The following MGAT4D variants were observed in gnomAD, a reference collection of about 807,000 sequenced individuals.
The protein encoded by MGAT4D is MGAT4 family member D, also known as alpha-1,3-mannosyl-glycoprotein 4-beta-N-acetylglucosaminyltransferase-like protein MGAT4D.
Under a neutral mutation model 15.9 loss-of-function variants are expected in MGAT4D, and 34 were observed. That is an observed-to-expected ratio of 2.14 (90% CI 1.62 to 2.84). MGAT4D has a LOEUF of 2.84. MGAT4D is among the 30% of genes most tolerant of loss of function. The pLI, the probability that MGAT4D is intolerant of heterozygous loss-of-function variation, is 0.00. For synonymous variants in MGAT4D, 112 were observed against 48.2 expected, an observed-to-expected ratio of 2.33 and a Z score of -5.49; for missense variants, 327 against 140.2, an observed-to-expected ratio of 2.33 and a Z score of -6.73.
intron 2 of MGAT4D, among the ~76,000 whole-genome samples, chr4:140,480,779 AC>A (rs1214798939): frequency 8.1e-6 from 1 of 123,408 alleles, no homozygotes; most frequent in Admixed American, 8.4e-5. Context: ...ACACACACAC[AC>A]ACACACGCAG....
chr4:140,475,443 A>G (rs1159234574), intron 3 of MGAT4D, among the ~76,000 whole-genome samples: 1 of 152,100 alleles, frequency 6.6e-6, no homozygotes, highest in Non-Finnish European at 1.5e-5. Context: ...TAGCTGGAGC[A>G]CTAGGGCTCC....
In MGAT4D at chr4:140,474,903, A is replaced by G. The variant is rs1732213970; in HGVS notation, c.435T>C (p.Tyr145=). ...LGISTVNRGN[Y]SYLKQTLTSV... ...AGGTCAGTGTCTGTTTCAGGTAACTATAATTTCCTCTGTTAACAGTGGAAA... is the reference window on the plus strand; with the variant it reads ...AGGTCAGTGTCTGTTTCAGGTAACTGTAATTTCCTCTGTTAACAGTGGAAA... The change falls in exon 4 of 11, where the codon TAT becomes TAC. Residue 145 remains tyrosine (Y), a synonymous_variant. Transcript: ENST00000511113. 5.7e-6 allele frequency: 4 copies of G among 699,306 alleles called. No individual in the cohort carries two copies. The highest frequency in any genetic ancestry group is 2.7e-5 in the East Asian group (1 of 37,056). The allele number at this position is 699,306 out of a possible 1,614,324, so 43.3% of individuals were successfully genotyped here. A position where few individuals can be genotyped will look rare whatever the true frequency, so the allele number is the denominator to read the frequency against.
At chr4:140,488,311 T>C (rs1169168778) in intron 1 of MGAT4D, among the ~76,000 whole-genome samples, 1 of 152,220 alleles carries the variant, frequency 6.6e-6, no homozygotes, top group East Asian at 1.9e-4. Flanking sequence ...ATTAAATACT[T>C]GCCATGTGCT....
At chr4:140,497,745 G>A (rs920814332) in intron 1 of MGAT4D, among the ~76,000 whole-genome samples, 10 of 152,230 alleles carry the variant, frequency 6.6e-5, no homozygotes, top group Non-Finnish European at 8.8e-5. Context: ...GATGCTGGCT[G>A]TGTAAGAGCA....
chr4:140,481,794 G>A (rs184984940), intron 2 of MGAT4D, among the ~76,000 whole-genome samples: 18 of 152,358 alleles, frequency 1.2e-4, no homozygotes, highest in Admixed American at 1.1e-3. Flanking sequence ...CAGGGATTAA[G>A]AGTAGGGGGA....
intron 9 of MGAT4D, among the ~76,000 whole-genome samples, chr4:140,452,738 C>T (rs1445794496): frequency 2.0e-5 from 3 of 152,104 alleles, no homozygotes; most frequent in African/African-American, 4.8e-5. Context: ...GTACCTTTTG[C>T]AGCACAAAAA....
At chr4:140,479,395 T>G (rs1431574950) in intron 3 of MGAT4D, 95 bp downstream of exon 3, 1 of 372,868 alleles carries the variant, frequency 2.7e-6, no homozygotes, top group East Asian at 3.8e-5. Context: ...TGCATATCAA[T>G]CTAAGATAAT....
intron 7 of MGAT4D, among the ~76,000 whole-genome samples, chr4:140,460,565 G>A (rs1231555052): frequency 3.9e-5 from 6 of 152,200 alleles, no homozygotes; most frequent in South Asian, 4.1e-4. Context: ...GCCAGGAGCC[G>A]TGGCTCACGC....
Position 140,482,487 on chromosome 4 carries a change from T to C in MGAT4D, c.95-2A>G, listed in dbSNP as rs1277458601. 2 of 628,158 alleles carry C rather than the reference T, an allele frequency of 3.2e-6. No individual in the cohort carries two copies. The highest frequency in any genetic ancestry group is 3.7e-5 in the African/African-American group (2 of 53,340). The allele number at this position is 628,158 out of a possible 1,614,324, so 38.9% of individuals were successfully genotyped here. On this transcript the variant is annotated splice_acceptor_variant, in intron 1 of 10. Coordinates refer to ENST00000511113, the MANE Select transcript of MGAT4D (RefSeq NM_001277353.2). LOFTEE classifies it high-confidence loss of function. ...TTCTACAGTTAATTAATTGATTATC[T>C]GCAATGAAAACATATGTATATATTT...
chr4:140,452,005 A>C (rs1047725029), intron 9 of MGAT4D, among the ~76,000 whole-genome samples: 55 of 151,948 alleles, frequency 3.6e-4, no homozygotes, highest in African/African-American at 1.3e-3. Flanking sequence ...AAAAAAAAAA[A>C]AAAAAAAGAA....
At chr4:140,461,794 C>A (rs1016609884) in intron 7 of MGAT4D, 135 bp downstream of exon 7, 75 of 431,696 alleles carry the variant, frequency 1.7e-4, no homozygotes, top group Middle Eastern at 5.1e-4. Context: ...TGGAGGAATA[C>A]AATGAGGAAG....
At chr4:140,468,621 G>C (rs1177956583) in intron 5 of MGAT4D, among the ~76,000 whole-genome samples, 3 of 152,134 alleles carry the variant, frequency 2.0e-5, no homozygotes, top group African/African-American at 7.2e-5. Context: ...AACTGAGAAG[G>C]CATCCTTGAG....
chr4:140,482,459 G>T lies in MGAT4D; in HGVS notation c.121C>A (p.His41Asn). ...ATATTTTCTTTAAACTCCAAAATAT[G>T]GTTTCTACAGTTAATTAATTGATTA... is the stretch of plus-strand genomic sequence containing the variant. The part of the protein sequence containing the change: ...TNNQLINCRN[H>N]ILEFKENMLH... Residue 41 changes from histidine to asparagine, a missense_variant, in exon 2 of 11, where the codon CAT becomes AAT. His to Asn is a moderately conservative substitution (Grantham distance 68). Coordinates refer to ENST00000511113, the MANE Select transcript of MGAT4D (RefSeq NM_001277353.2). The T allele has an allele frequency of 1.6e-6, 1 of 630,720 alleles. No individual in the cohort carries two copies. Among genetic ancestry groups the T allele is most frequent in the Non-Finnish European group, 2.8e-6 (1 of 359,362 alleles). The allele number at this position is 630,720 out of a possible 1,614,324, so 39.1% of individuals were successfully genotyped here.
chr4:140,471,917 A>T, intron 4 of MGAT4D, 96 bp from the exon 5 acceptor site: 1 of 285,886 alleles, frequency 3.5e-6, no homozygotes, highest in Non-Finnish European at 6.4e-6. Flanking sequence ...TTTGTGTGTG[A>T]AATGCTATTG....
At chr4:140,443,656 G>A (rs919231424) in intron 10 of MGAT4D, among the ~76,000 whole-genome samples, 5 of 152,012 alleles carry the variant, frequency 3.3e-5, no homozygotes, top group African/African-American at 9.7e-5. Flanking sequence ...ATACTCTTAC[G>A]TTGTTAAAAT....
chr4:140,481,616 G>A (rs368910648), intron 2 of MGAT4D, among the ~76,000 whole-genome samples: 10 of 152,230 alleles, frequency 6.6e-5, no homozygotes, highest in East Asian at 5.8e-4. Context: ...TCGATACAAC[G>A]AAATGCTACT....
chr4:140,498,090 G>A (rs987498085), intron 1 of MGAT4D, 39 bp downstream of exon 1: 1 of 694,110 alleles, frequency 1.4e-6, no homozygotes, highest in Non-Finnish European at 2.6e-6. Context: ...CGAAGCCCCC[G>A]CGGCGGGAAA....
At chr4:140,469,482 T>TG (rs1441014791) in intron 5 of MGAT4D, among the ~76,000 whole-genome samples, 1 of 152,234 alleles carries the variant, frequency 6.6e-6, no homozygotes, top group African/African-American at 2.4e-5. Flanking sequence ...GTGCCTATTT[T>TG]GGGGGAGTAG....
At chr4:140,497,134 T>G (rs1733888798) in intron 1 of MGAT4D, among the ~76,000 whole-genome samples, 1 of 152,198 alleles carries the variant, frequency 6.6e-6, no homozygotes, top group African/African-American at 2.4e-5. Context: ...ATGAAGCCAC[T>G]CCCAAACTTC....
Sources: allele counts gnomAD v4.1 joint callset (sites outside exome capture counted in the v4.1 genomes callset), GRCh38; gene constraint gnomAD v4.1.1; transcripts MANE v1.5; gene names NCBI Gene and HGNC (gene_info 2026-07-23, HGNC 2026-07-21).